PLPPR1: variants seen among roughly 807,000 people sequenced by gnomAD.
The protein encoded by PLPPR1 is phospholipid phosphatase-related protein type 1.
In PLPPR1, 10 loss-of-function variants were observed where a neutral mutation model predicts 33.1. The ratio of observed to expected loss-of-function variants is 0.30; its 90% CI spans 0.19 to 0.51. The LOEUF is 0.51. Ranked by LOEUF, PLPPR1 falls within the 20% of genes least tolerant of loss-of-function variation. The pLI, the probability that PLPPR1 is intolerant of heterozygous loss-of-function variation, is 0.97. For missense variants in PLPPR1, 304 were observed against 408.1 expected (o/e 0.74, Z 2.20); for synonymous variants, 151 against 151.0 (o/e 1.00, Z 0.00).
intron 2 of PLPPR1, among the ~76,000 whole-genome samples, chr9:101,223,092 T>C (rs755144680): frequency 9.0e-5 from 13 of 143,776 alleles, no homozygotes; most frequent in Admixed American, 6.6e-4. Flanking sequence ...GTGGGAAGAT[T>C]GTTTGAAGCC....
At position 101,269,996 on chromosome 9, in the gene PLPPR1, A is replaced by G. The variant is rs753179133; in HGVS notation, c.180A>G (p.Pro60=). The G allele has an allele frequency of 1.2e-6, 2 of 1,614,096 alleles. No homozygotes were observed. Among genetic ancestry groups the G allele is most frequent in the Non-Finnish European group, 1.7e-6 (2 of 1,180,032 alleles). ...CQDGDLMKPY[P]GTEEESFITP... The stretch of plus-strand genomic sequence containing the variant: ...ACGGAGACTTAATGAAGCCTTACCC[A>G]GGGACAGAGGAAGAAAGCTTCATCA... The change falls in exon 3 of 8, where the codon CCA becomes CCG. Residue 60 remains proline, a synonymous_variant. Coordinates refer to ENST00000374874, the MANE Select transcript of PLPPR1 (RefSeq NM_207299.2).
chr9:101,065,262 G>T (rs1301205956), intron 1 of PLPPR1, among the ~76,000 whole-genome samples: 1 of 152,012 alleles, frequency 6.6e-6, no homozygotes, highest in Non-Finnish European at 1.5e-5. Context: ...AGTAGCTGAG[G>T]TATGTATGTA....
intron 1 of PLPPR1, among the ~76,000 whole-genome samples, chr9:101,086,716 A>G (rs1377642063): frequency 1.3e-5 from 2 of 152,164 alleles, no homozygotes; most frequent in African/African-American, 4.8e-5. Context: ...GTCAAAATCT[A>G]TATACAAAAT....
intron 2 of PLPPR1, among the ~76,000 whole-genome samples, chr9:101,255,202 G>T (rs748088808): frequency 9.2e-5 from 14 of 152,130 alleles, no homozygotes; most frequent in Non-Finnish European, 1.8e-4. Flanking sequence ...TATAGGGGAT[G>T]ATGAAAGAGA....
At chr9:101,052,640 T>A (rs1468176126) in intron 1 of PLPPR1, among the ~76,000 whole-genome samples, 3 of 152,136 alleles carry the variant, frequency 2.0e-5, no homozygotes, top group Non-Finnish European at 4.4e-5. Context: ...TGGCAGAAGA[T>A]TTCCCAGCAG....
At chr9:101,314,411 T>C (rs1186291007) in intron 6 of PLPPR1, among the ~76,000 whole-genome samples, 1 of 152,158 alleles carries the variant, frequency 6.6e-6, no homozygotes, top group Non-Finnish European at 1.5e-5. Flanking sequence ...ATTCAGAACA[T>C]TGATTGGGAA....
intron 1 of PLPPR1, among the ~76,000 whole-genome samples, chr9:101,073,681 C>T (rs1456319166): frequency 6.6e-6 from 1 of 152,102 alleles, no homozygotes; most frequent in African/African-American, 2.4e-5. Flanking sequence ...CTACTATATT[C>T]TCTGGTTAAA....
At chr9:101,082,627 C>G (rs1301877931) in intron 1 of PLPPR1, among the ~76,000 whole-genome samples, 1 of 152,160 alleles carries the variant, frequency 6.6e-6, no homozygotes, top group Non-Finnish European at 1.5e-5. Context: ...GCACTGGAAG[C>G]TTGGCCACTC....
intron 1 of PLPPR1, among the ~76,000 whole-genome samples, chr9:101,179,748 G>A (rs1816365): frequency 6.6e-6 from 1 of 151,690 alleles, no homozygotes; most frequent in African/African-American, 2.4e-5. Flanking sequence ...TTGATTGGAT[G>A]GAAGGATGCA....
intron 2 of PLPPR1, among the ~76,000 whole-genome samples, chr9:101,267,465 A>G (rs1036335611): frequency 1.1e-4 from 17 of 152,348 alleles, no homozygotes; most frequent in African/African-American, 4.1e-4. Flanking sequence ...AACTCCAAGC[A>G]TGGAAAAACA....
rs186266337 is a variant in PLPPR1, at chr9:101,281,329, C to T, written c.253-4775C>T. Among the ~76,000 whole-genome samples, 32 of 152,178 alleles carry T rather than the reference C, an allele frequency of 2.1e-4. No individual in the cohort carries two copies. The East Asian group carries it at 6.2e-3, about 29-fold the overall frequency. On this transcript the variant is annotated intron_variant, in intron 3 of 7. Coordinates refer to ENST00000374874, the MANE Select transcript of PLPPR1 (RefSeq NM_207299.2). ...GAAGAATATTGTTAAAATGCCCATA[C>T]TACCAAAAGTGATCCACAGATTCAG...
chr9:101,108,960 A>ATTTTTTT (rs5899429), intron 1 of PLPPR1, among the ~76,000 whole-genome samples: 1 of 136,788 alleles, frequency 7.3e-6, no homozygotes, highest in African/African-American at 2.7e-5. Context: ...GTCTTCAATA[A>ATTTTTTT]TTTTTTTTTT....
chr9:101,319,939 G>A (rs1170586111), intron 7 of PLPPR1, among the ~76,000 whole-genome samples: 1 of 152,102 alleles, frequency 6.6e-6, no homozygotes, highest in Non-Finnish European at 1.5e-5. Flanking sequence ...CTTCCACCCA[G>A]CACTGCTCAA....
Position 101,155,098 on chromosome 9 carries a change from C to T in PLPPR1, c.-45-30352C>T, listed in dbSNP as rs1831660602. Among the ~76,000 whole-genome samples, 5 of 136,676 alleles carry T rather than the reference C, an allele frequency of 3.7e-5. No individual in the cohort carries two copies. In the Admixed American group the frequency reaches 3.8e-4, roughly 10 times the overall value. The allele number at this position is 136,676 out of a possible 152,430, so 89.7% of individuals were successfully genotyped here. A position where few individuals can be genotyped will look rare whatever the true frequency, so the allele number is the denominator to read the frequency against. ...CATGTTGTGCACATGTACACTAAAA[C>T]TTAAAGTATAATAAAAAAAAAAGAA... On this transcript the variant is annotated intron_variant, in intron 1 of 7. Transcript: ENST00000374874.
intron 1 of PLPPR1, among the ~76,000 whole-genome samples, chr9:101,127,902 T>A (rs960455651): frequency 6.6e-6 from 1 of 151,944 alleles, no homozygotes; most frequent in Non-Finnish European, 1.5e-5. Flanking sequence ...AGATAGATAG[T>A]TAGAGGATCA....
intron 7 of PLPPR1, among the ~76,000 whole-genome samples, chr9:101,323,268 G>T (rs755605742): frequency 6.6e-6 from 1 of 152,238 alleles, no homozygotes; most frequent in African/African-American, 2.4e-5. Context: ...GCCAAGGTGG[G>T]AGGGTCAGTT....
At chr9:101,112,634 A>T (rs948663307) in intron 1 of PLPPR1, among the ~76,000 whole-genome samples, 1 of 152,224 alleles carries the variant, frequency 6.6e-6, no homozygotes, top group Non-Finnish European at 1.5e-5. Context: ...CAAGCAGTGC[A>T]GAACTGAGCT....
At chr9:101,235,654 C>T (rs1827285077) in intron 2 of PLPPR1, among the ~76,000 whole-genome samples, 1 of 151,818 alleles carries the variant, frequency 6.6e-6, no homozygotes, top group Admixed American at 6.6e-5. Flanking sequence ...ACCGAGAGCA[C>T]TTCTTGGGTC....
chr9:101,209,517 A>G (rs1826651441), intron 2 of PLPPR1, among the ~76,000 whole-genome samples: 1 of 152,160 alleles, frequency 6.6e-6, no homozygotes, highest in Non-Finnish European at 1.5e-5. Context: ...CAGCCCAACA[A>G]TCTGTGCTTC....
Sources: gnomAD v4.1 joint callset for allele counts (sites outside exome capture counted in the v4.1 genomes callset) on GRCh38, gnomAD v4.1.1 for gene constraint, MANE v1.5 for transcripts, NCBI Gene and HGNC (gene_info 2026-07-23, HGNC 2026-07-21) for gene names.